The following DEFB115 variants were observed in gnomAD, a reference collection of about 807,000 sequenced individuals.
DEFB115 encodes the protein beta-defensin 115.
Under a neutral mutation model 8.8 loss-of-function variants are expected in DEFB115, and 7 were observed. The observed-to-expected ratio is 0.79, with a 90% CI of 0.45 to 1.49. The LOEUF is 1.49. Among genes scored for constraint, DEFB115 ranks in the 40% most tolerant of loss-of-function variants. The pLI is 0.01. For synonymous variants in DEFB115, 62 were observed against 37.6 expected (o/e 1.65, Z -2.37); for missense variants, 143 against 99.4 (o/e 1.44, Z -1.86).
At chr20:31,258,654 A>G (rs1196841854) in intron 1 of DEFB115, among the ~76,000 whole-genome samples, 1 of 152,184 alleles carries the variant, frequency 6.6e-6, no homozygotes, top group African/African-American at 2.4e-5. Context: ...GACATTTTGG[A>G]GAAAGAATCT....
rs1224817081 is a variant in DEFB115 at position 31,259,475 on chromosome 20, G to T, written c.110G>T (p.Arg37Met). ...AQTAPDGWIR[R>M]CYYGTGRCRK... ...ATTTTGATAGATGGATGGATCAGAA[G>T]GTGCTATTATGGAACTGGCAGATGC... The change falls in exon 2 of 2, where the codon AGG becomes ATG. Residue 37 changes from arginine (R) to methionine (M), a missense_variant. Coordinates refer to ENST00000400552, the MANE Select transcript of DEFB115 (RefSeq NM_001037730.1). 1.9e-6 allele frequency: 3 copies of T among 1,607,766 alleles called. No homozygotes were observed. In the East Asian group the frequency reaches 6.7e-5, roughly 36 times the overall value.
intron 1 of DEFB115, among the ~76,000 whole-genome samples, chr20:31,259,101 G>T (rs1022377528): frequency 6.6e-6 from 1 of 152,098 alleles, no homozygotes; most frequent in Non-Finnish European, 1.5e-5. Context: ...TCAACAAATT[G>T]TGGTTAGATG....
chr20:31,259,138 A>AGATAATTG (rs1457837942), intron 1 of DEFB115, among the ~76,000 whole-genome samples: 1 of 152,186 alleles, frequency 6.6e-6, no homozygotes, highest in African/African-American at 2.4e-5. Context: ...AGGATAAAAA[A>AGATAATTG]GATAATTGAA....
At position 31,259,620 on chromosome 20, in the gene DEFB115, G is replaced by A. The variant is rs1290870109; in HGVS notation, c.255G>A (p.Glu85=). Residue 85 remains glutamate, a synonymous_variant, in exon 2 of 2, where the codon GAG becomes GAA. Coordinates refer to ENST00000400552, the MANE Select transcript of DEFB115 (RefSeq NM_001037730.1). ...TTCACGACCAAAAAGAGACAAGTGAGCTATATATCTAGTTGCGACTCCTAA... is the reference window on the plus strand; with the variant it reads ...TTCACGACCAAAAAGAGACAAGTGAACTATATATCTAGTTGCGACTCCTAA... ...SHIHDQKETS[E]LYI is the part of the protein sequence containing the mutation. 1 of 1,599,334 alleles carries A rather than the reference G, an allele frequency of 6.3e-7. No individual in the cohort carries two copies. The highest frequency in any genetic ancestry group is 8.5e-7 in the Non-Finnish European group (1 of 1,174,266).
In DEFB115 at chr20:31,257,675, T is replaced by C. The variant is rs777610962; in HGVS notation, c.12T>C (p.Asp4=). 2 of 1,613,920 alleles carry C rather than the reference T, an allele frequency of 1.2e-6. No homozygotes were observed. Among genetic ancestry groups the C allele is most frequent in the South Asian group, 2.2e-5 (2 of 91,072 alleles). MLP[D]HFSPLSGDIK... ...CCAGCACACTCAGAATGCTGCCAGA[T>C]CATTTCTCACCCCTCTCAGGAGACA... is the stretch of plus-strand genomic sequence containing the variant. The change falls in exon 1 of 2, where the codon GAT becomes GAC. Residue 4 remains aspartate (D), a synonymous_variant. Transcript: ENST00000400552.
chr20:31,259,508 C>T lies in DEFB115; in HGVS notation c.143C>T (p.Ser48Leu). Residue 48 changes from serine (S) to leucine (L), a missense_variant, in exon 2 of 2, where the codon TCA (serine) becomes TTA (leucine). By Grantham distance (145) the Ser-to-Leu change is moderately radical. Coordinates refer to ENST00000400552, the MANE Select transcript of DEFB115 (RefSeq NM_001037730.1). ...TATGGAACTGGCAGATGCAGGAAAT[C>T]ATGCAAAGAAATTGAGAGGAAGAAA... ...CYYGTGRCRKSCKEIERKKEK... is the reference protein window; with the variant it reads ...CYYGTGRCRKLCKEIERKKEK... The T allele has an allele frequency of 6.2e-7, 1 of 1,612,880 alleles. No homozygotes were observed. Among genetic ancestry groups the T allele is most frequent in the East Asian group, 2.2e-5 (1 of 44,826 alleles).
At chr20:31,258,286 T>G (rs746991735) in intron 1 of DEFB115, among the ~76,000 whole-genome samples, 16 of 152,310 alleles carry the variant, frequency 1.1e-4, no homozygotes, top group African/African-American at 3.4e-4. Context: ...GCTCACAGTA[T>G]GGAGCTGGGG....
At position 31,259,568 on chromosome 20, in the gene DEFB115, C is replaced by T. The variant is rs928038882; in HGVS notation, c.203C>T (p.Pro68Leu). The change falls in exon 2 of 2, where the codon CCT (proline) becomes CTT (leucine). Residue 68 changes from proline to leucine, a missense_variant. By Grantham distance (98) the Pro-to-Leu change is moderately conservative. Transcript: ENST00000400552. ...KCGEKHICCV[P>L]KEKDKLSHIH... The stretch of plus-strand genomic sequence containing the variant: ...GGGGAAAAACATATTTGCTGTGTCC[C>T]TAAAGAAAAGGATAAACTATCACAC... The T allele has an allele frequency of 6.2e-6, 10 of 1,611,086 alleles. No individual in the cohort carries two copies. Among genetic ancestry groups the T allele is most frequent in the Non-Finnish European group, 8.5e-6 (10 of 1,179,006 alleles).
chr20:31,258,668 T>C (rs546987560), intron 1 of DEFB115, among the ~76,000 whole-genome samples: 20 of 152,318 alleles, frequency 1.3e-4, no homozygotes, highest in South Asian at 4.1e-4. Context: ...AGAATCTACA[T>C]ATTGACTTAT....
Position 31,259,455 on chromosome 20 carries a change from G to A in DEFB115, c.95-5G>A. On this transcript the variant is annotated splice_polypyrimidine_tract_variant and splice_region_variant and intron_variant, in intron 1 of 1. Coordinates refer to ENST00000400552, the MANE Select transcript of DEFB115 (RefSeq NM_001037730.1). ...ATATATTCATGTGTTTGCTTATTTT[G>A]ATAGATGGATGGATCAGAAGGTGCT... The A allele has an allele frequency of 1.5e-5, 24 of 1,582,594 alleles. No homozygotes were observed. The highest frequency in any genetic ancestry group is 2.1e-5 in the Non-Finnish European group (24 of 1,169,222).
chr20:31,258,943 C>T (rs188168227), intron 1 of DEFB115, among the ~76,000 whole-genome samples: 9 of 152,140 alleles, frequency 5.9e-5, no homozygotes, highest in Admixed American at 2.6e-4. Context: ...CCTCCCTGCA[C>T]CCACCCCCCA....
Position 31,257,685 on chromosome 20 carries a change from C to T in DEFB115, c.22C>T (p.Pro8Ser). MLPDHFS[P>S]LSGDIKLSVL... is the part of the protein sequence containing the mutation. The stretch of plus-strand genomic sequence containing the variant: ...CAGAATGCTGCCAGATCATTTCTCA[C>T]CCCTCTCAGGAGACATTAAACTCTC... Residue 8 changes from proline to serine, a missense_variant, in exon 1 of 2, where the codon CCC becomes TCC. By Grantham distance (74) the Pro-to-Ser change is moderately conservative. Transcript: ENST00000400552. 6.2e-7 allele frequency: 1 copy of T among 1,614,020 alleles called. No homozygotes were observed. The highest frequency in any genetic ancestry group is 8.5e-7 in the Non-Finnish European group (1 of 1,179,914).
chr20:31,259,632 G>A lies in DEFB115; in HGVS notation c.267G>A (p.Ter89=), dbSNP rs1234955563. Residue 89 remains the stop codon, a stop_retained_variant, in exon 2 of 2, where the codon TAG becomes TAA. Transcript: ENST00000400552. ...AAGAGACAAGTGAGCTATATATCTA[G>A]TTGCGACTCCTAATTCAGAATTTTA... ...DQKETSELYI[*] The A allele has an allele frequency of 1.9e-6, 3 of 1,573,806 alleles. No homozygotes were observed. Among genetic ancestry groups the A allele is most frequent in the Admixed American group, 3.8e-5 (2 of 52,470 alleles).
rs537899724 is a variant in DEFB115, at chr20:31,258,018, CA to C, written c.94+263del. Among the ~76,000 whole-genome samples the C allele has an allele frequency of 3.3e-4, 50 of 152,284 alleles. 2 individuals carry two copies. The South Asian group carries it at 1.0e-2, about 30-fold the overall frequency. On this transcript the variant is annotated intron_variant, in intron 1 of 1. Transcript: ENST00000400552. Reference sequence around the variant, plus strand: ...ATGAAGTCCCTTCCATATGCAGAAGCAACCCCAACATCTCTAGTATCCTGAA... The same window carrying C: ...ATGAAGTCCCTTCCATATGCAGAAGCACCCCAACATCTCTAGTATCCTGAA...
intron 1 of DEFB115, 29 bp from the exon 2 acceptor site, chr20:31,259,431 T>C: frequency 6.5e-7 from 1 of 1,547,828 alleles, no homozygotes; most frequent in Non-Finnish European, 8.7e-7. Flanking sequence ...AATGTATTTA[T>C]ATATTCATGT....
chr20:31,259,325 C>T, intron 1 of DEFB115, 135 bp from the exon 2 acceptor site: 1 of 874,294 alleles, frequency 1.1e-6, no homozygotes, highest in Non-Finnish European at 1.6e-6. Flanking sequence ...AAATTTATAA[C>T]ATTCCCATGA....
intron 1 of DEFB115, among the ~76,000 whole-genome samples, chr20:31,258,139 T>A (rs1983803077): frequency 6.6e-6 from 1 of 152,234 alleles, no homozygotes; most frequent in African/African-American, 2.4e-5. Flanking sequence ...ATCAGTCTCA[T>A]TACTTCACTT....
chr20:31,258,836 C>A (rs1040273503), intron 1 of DEFB115, among the ~76,000 whole-genome samples: 1 of 152,042 alleles, frequency 6.6e-6, no homozygotes. Flanking sequence ...ATATAATGAT[C>A]CCTCAAATGA....
At chr20:31,259,419 C>G (rs755425830) in intron 1 of DEFB115, 41 bp from the exon 2 acceptor site, 1 of 1,498,678 alleles carries the variant, frequency 6.7e-7, no homozygotes, top group Non-Finnish European at 8.9e-7. Context: ...ATTTATTTTT[C>G]AAATGTATTT....
Sources: allele counts gnomAD v4.1 joint callset (sites outside exome capture counted in the v4.1 genomes callset), GRCh38; gene constraint gnomAD v4.1.1; transcripts MANE v1.5; gene names NCBI Gene and HGNC (gene_info 2026-07-23, HGNC 2026-07-21).